The following SI variants were observed in gnomAD, a reference collection of about 807,000 sequenced individuals.
The protein encoded by SI is sucrase-isomaltase.
Under a neutral mutation model 253.3 loss-of-function variants are expected in SI, and 235 were observed. The ratio of observed to expected loss-of-function variants is 0.93; its 90% CI spans 0.83 to 1.03. The LOEUF (loss-of-function observed/expected upper bound fraction) is 1.03. Among genes scored for constraint, SI ranks in the 50% least tolerant of loss-of-function variants. The pLI is 0.00. For missense variants in SI, 2,442 were observed against 2,211.1 expected (o/e 1.10, Z -2.09); for synonymous variants, 819 against 712.0 (o/e 1.15, Z -2.39).
At position 165,067,347 on chromosome 3, in the gene SI, TA is replaced by T. The variant is rs1327828049; in HGVS notation, c.627del (p.Thr211LeufsTer10). 1 of 1,607,822 alleles carries T rather than the reference TA, an allele frequency of 6.2e-7. No individual in the cohort carries two copies. Among genetic ancestry groups the T allele is most frequent in the Non-Finnish European group, 8.5e-7 (1 of 1,175,372 alleles). On this transcript the variant is annotated frameshift_variant, in exon 6 of 48. Coordinates refer to ENST00000264382, the MANE Select transcript of SI (RefSeq NM_001041.4). LOFTEE classifies it high-confidence loss of function. ...GTAAAATAATACACTTACAAAGTTTTACCGTTGCTTTTCCTAATAACTTGGA... is the reference window on the plus strand; with the variant it reads ...GTAAAATAATACACTTACAAAGTTTTCCGTTGCTTTTCCTAATAACTTGGA... ...FSIQVIRKSN[G>X]KTLFDTSIGP...
At position 165,023,789 on chromosome 3, in the gene SI, T is replaced by G. The variant is rs1205079775; in HGVS notation, c.2893-13A>C. On this transcript the variant is annotated splice_polypyrimidine_tract_variant and intron_variant, in intron 25 of 47. Transcript: ENST00000264382. ...ATAGAGAAGAACCCTAAAAACACAA[T>G]GCATGTTCATTGCCAGAAATTATAA... 1 of 1,581,824 alleles carries G rather than the reference T, an allele frequency of 6.3e-7. No individual in the cohort carries two copies. The highest frequency in any genetic ancestry group is 8.7e-7 in the Non-Finnish European group (1 of 1,152,142).
At chr3:165,069,474 C>A (rs571995993) in intron 3 of SI, among the ~76,000 whole-genome samples, 2 of 151,856 alleles carry the variant, frequency 1.3e-5, no homozygotes, top group African/African-American at 4.8e-5. Flanking sequence ...TTTAAAGGAA[C>A]CTGATCTCTA....
chr3:165,043,196 CTATTTA>C lies in SI; in HGVS notation c.1888-27_1888-22del, dbSNP rs760464514. On this transcript the variant is annotated intron_variant, in intron 16 of 47. Coordinates refer to ENST00000264382, the MANE Select transcript of SI (RefSeq NM_001041.4). ...CCAACCTAAATAACAAATATATTTACTATTTATAATGTTAAGATTCTCAAATTTGCC... is the reference window on the plus strand; with the variant it reads ...CCAACCTAAATAACAAATATATTTACTAATGTTAAGATTCTCAAATTTGCC... 46 of 1,488,882 alleles carry C rather than the reference CTATTTA, an allele frequency of 3.1e-5. No homozygotes were observed. The African/African-American group carries it at 4.7e-4, about 15-fold the overall frequency. The allele number at this position is 1,488,882 out of a possible 1,614,324, so 92.2% of individuals were successfully genotyped here.
chr3:165,090,108 C>A, the SI span, among the ~76,000 whole-genome samples: 1 of 150,346 alleles, frequency 6.7e-6, no homozygotes, highest in African/African-American at 2.4e-5. Flanking sequence ...TAATTAGGAA[C>A]TGAGGGTGGA....
At chr3:165,003,057 T>C (rs2108147746) in intron 37 of SI, among the ~76,000 whole-genome samples, 1 of 151,990 alleles carries the variant, frequency 6.6e-6, no homozygotes, top group South Asian at 2.1e-4. Flanking sequence ...ATATGGACTA[T>C]TTGGAAATTT....
chr3:165,043,551 T>C (rs1712961410), intron 16 of SI, among the ~76,000 whole-genome samples: 1 of 151,998 alleles, frequency 6.6e-6, no homozygotes, highest in Non-Finnish European at 1.5e-5. Context: ...TATAATATAA[T>C]ATGTAACTGT....
rs745347540 is a variant in SI at position 165,023,439 on chromosome 3, T to C, written c.3099+131A>G. ...CTATGAGTTGTGTAGGAAAAAATATTTTTATAAAATCAAAATATTATCAAA... is the reference window on the plus strand; with the variant it reads ...CTATGAGTTGTGTAGGAAAAAATATCTTTATAAAATCAAAATATTATCAAA... On this transcript the variant is annotated intron_variant, in intron 26 of 47. Coordinates refer to ENST00000264382, the MANE Select transcript of SI (RefSeq NM_001041.4). 3.5e-4 allele frequency: 251 copies of C among 709,240 alleles called. 1 individual carries two copies. The highest frequency in any genetic ancestry group is 8.1e-4 in the Middle Eastern group (2 of 2,478). 43.9% of individuals were successfully genotyped at this position (709,240 alleles called of 1,614,324 possible).
chr3:164,991,419 A>G lies in SI; in HGVS notation c.5042T>C (p.Ile1681Thr), dbSNP rs934544882. 1.2e-6 allele frequency: 2 copies of G among 1,613,614 alleles called. No individual in the cohort carries two copies. The highest frequency in any genetic ancestry group is 1.3e-5 in the African/African-American group (1 of 75,032). The change falls in exon 44 of 48, where the codon ATA becomes ACA. Residue 1681 changes from isoleucine (I) to threonine (T), a missense_variant. Ile to Thr is a moderately conservative substitution (Grantham distance 89). Transcript: ENST00000264382. ...FQTFNASYDT[I>T]NLHVRGGHIL... ...GTGACCACCACGGACATGTAGGTTT[A>G]TTGTGTCATAAGAAGCATTAAATGT...
chr3:165,058,972 A>G lies in SI; in HGVS notation c.1389T>C (p.Ile463=), dbSNP rs747666337. Residue 463 remains isoleucine, a synonymous_variant, in exon 12 of 48, where the codon ATT becomes ATC. Transcript: ENST00000264382. ...WINESDGSTP[I]IGEVWPGLTV... ...AAATATCATATTTTACCTCTCCAATAATTGGTGTACTTCCATCTGACTCAT... is the reference window on the plus strand; with the variant it reads ...AAATATCATATTTTACCTCTCCAATGATTGGTGTACTTCCATCTGACTCAT... The G allele has an allele frequency of 8.7e-6, 14 of 1,610,850 alleles. No individual in the cohort carries two copies. Among genetic ancestry groups the G allele is most frequent in the Non-Finnish European group, 1.2e-5 (14 of 1,177,692 alleles).
intron 28 of SI, among the ~76,000 whole-genome samples, chr3:165,018,564 A>G: frequency 6.6e-6 from 1 of 150,732 alleles, no homozygotes; most frequent in East Asian, 1.9e-4. Flanking sequence ...TTAAAGTTTT[A>G]TATTTATAAA....
chr3:165,065,759 A>T (rs1714218028), intron 6 of SI, among the ~76,000 whole-genome samples: 1 of 151,624 alleles, frequency 6.6e-6, no homozygotes, highest in Admixed American at 6.6e-5. Context: ...TTTAGGGATC[A>T]CAAACTGGTA....
At chr3:165,046,786 TA>T in intron 16 of SI, 54 bp downstream of exon 16, 3 of 1,368,542 alleles carry the variant, frequency 2.2e-6, no homozygotes, top group Non-Finnish European at 2.1e-6. Context: ...AAGATTACAT[TA>T]AAAATTAATG....
rs746209101 is a variant in SI, at chr3:165,069,152, T to C, written c.299A>G (p.Asp100Gly). The C allele has an allele frequency of 6.2e-7, 1 of 1,613,068 alleles. No homozygotes were observed. The highest frequency in any genetic ancestry group is 1.1e-5 in the South Asian group (1 of 91,034). The change falls in exon 4 of 48, where the codon GAC becomes GGC. Residue 100 changes from aspartate to glycine, a missense_variant. By Grantham distance (94) the Asp-to-Gly change is moderately conservative. Transcript: ENST00000264382. Reference sequence around the variant, plus strand: ...GAAGAAGCACCAAGGAATAAGAGAGTCATTCCACGGCCTCCAGCAGCAGCC... The same window carrying C: ...GAAGAAGCACCAAGGAATAAGAGAGCCATTCCACGGCCTCCAGCAGCAGCC... The part of the protein sequence containing the change: ...QRGCCWRPWN[D>G]SLIPWCFFVD...
intron 2 of SI, 101 bp from the exon 3 acceptor site, chr3:165,074,768 T>C: frequency 2.1e-6 from 2 of 967,486 alleles, no homozygotes; most frequent in Non-Finnish European, 3.1e-6. Flanking sequence ...CATGAATTCA[T>C]ATAAAATGAA....
chr3:164,991,510 A>G, intron 43 of SI, 33 bp from the exon 44 acceptor site: 1 of 1,612,402 alleles, frequency 6.2e-7, no homozygotes, highest in Non-Finnish European at 8.5e-7. Flanking sequence ...GAACAGGTGG[A>G]GCAAGAAATG....
At chr3:165,011,229 T>G (rs1375567637) in intron 34 of SI, among the ~76,000 whole-genome samples, 2 of 152,160 alleles carry the variant, frequency 1.3e-5, no homozygotes, top group African/African-American at 4.8e-5. Context: ...TTATTCTTCA[T>G]GTGGGTGTTT....
At chr3:164,987,516 C>T (rs116838634) in intron 44 of SI, among the ~76,000 whole-genome samples, 2,731 of 152,256 alleles carry the variant, frequency 0.018, 22 homozygotes, top group Middle Eastern at 0.034. Context: ...CGAGACCATC[C>T]TACCCAACAT....
intron 6 of SI, 134 bp downstream of exon 6, chr3:165,067,206 G>C: frequency 1.6e-6 from 1 of 629,694 alleles, no homozygotes; most frequent in Non-Finnish European, 2.7e-6. Context: ...CTTTATCACC[G>C]TAATTTTTAT....
At chr3:165,054,397 GT>G (rs1713583123) in intron 13 of SI, among the ~76,000 whole-genome samples, 1 of 151,956 alleles carries the variant, frequency 6.6e-6, no homozygotes, top group Non-Finnish European at 1.5e-5. Flanking sequence ...CTGAGACAGA[GT>G]TTCACTCTTG....
Sources: gnomAD v4.1 joint callset for allele counts (sites outside exome capture counted in the v4.1 genomes callset) on GRCh38, gnomAD v4.1.1 for gene constraint, MANE v1.5 for transcripts, NCBI Gene and HGNC (gene_info 2026-07-23, HGNC 2026-07-21) for gene names.